Variants in GABRA2 observed in about 807,000 individuals in gnomAD.
GABRA2 encodes gamma-aminobutyric acid receptor subunit alpha-2.
Under a neutral mutation model 48.7 loss-of-function variants are expected in GABRA2, and 16 were observed. The ratio of observed to expected loss-of-function variants is 0.33; its 90% CI spans 0.22 to 0.50. GABRA2 has a LOEUF of 0.50. GABRA2 is among the 20% of genes least tolerant of loss of function. The probability of loss-of-function intolerance (pLI) is 0.98; values close to 1 mark genes in which losing one functional copy is unlikely to be tolerated. For missense variants in GABRA2, 275 were observed against 535.6 expected, an observed-to-expected ratio of 0.51 and a Z score of 4.80; for synonymous variants, 185 against 184.5, an observed-to-expected ratio of 1.00 and a Z score of -0.02.
At chr4:46,358,085 TAGTA>T (rs1191455497) in intron 3 of GABRA2, among the ~76,000 whole-genome samples, 1 of 152,142 alleles carries the variant, frequency 6.6e-6, no homozygotes, top group Admixed American at 6.5e-5. Context: ...TTCCTGGACA[TAGTA>T]AGCACTCAAC....
At chr4:46,295,514 ACAC>A (rs1724467904) in intron 8 of GABRA2, among the ~76,000 whole-genome samples, 1 of 152,176 alleles carries the variant, frequency 6.6e-6, no homozygotes, top group Non-Finnish European at 1.5e-5. Context: ...TTGTCTATGG[ACAC>A]CACCCAGCCT....
At chr4:46,349,792 T>C (rs572092903) in intron 3 of GABRA2, among the ~76,000 whole-genome samples, 12 of 151,990 alleles carry the variant, frequency 7.9e-5, no homozygotes, top group Non-Finnish European at 1.3e-4. Context: ...CTTAAAGTAG[T>C]ATAAAAGCAA....
At chr4:46,335,518 G>A (rs1732074586) in intron 3 of GABRA2, among the ~76,000 whole-genome samples, 1 of 152,104 alleles carries the variant, frequency 6.6e-6, no homozygotes, top group South Asian at 2.1e-4. Context: ...TTATTGCCCA[G>A]GCTGGAGTGC....
intron 3 of GABRA2, among the ~76,000 whole-genome samples, chr4:46,377,688 G>A (rs1298563585): frequency 6.8e-6 from 1 of 146,372 alleles, no homozygotes; most frequent in African/African-American, 2.5e-5. Context: ...GGGAAGTGAG[G>A]AGCCCCTCTG....
intron 7 of GABRA2, among the ~76,000 whole-genome samples, chr4:46,305,359 C>T (rs1366037769): frequency 6.7e-6 from 1 of 150,312 alleles, no homozygotes. Flanking sequence ...CACATGTATA[C>T]ATATGTAACT....
chr4:46,345,979 C>A (rs1229101562), intron 3 of GABRA2, among the ~76,000 whole-genome samples: 1 of 151,900 alleles, frequency 6.6e-6, no homozygotes, highest in Non-Finnish European at 1.5e-5. Context: ...TTGAAGATCA[C>A]GATGCTAATA....
At chr4:46,299,607 G>C (rs1283321867) in intron 8 of GABRA2, among the ~76,000 whole-genome samples, 2 of 150,800 alleles carry the variant, frequency 1.3e-5, no homozygotes, top group Non-Finnish European at 3.0e-5. Context: ...CAAAAATTTG[G>C]AAAGAGGAAA....
Position 46,250,434 on chromosome 4 carries a change from A to T in GABRA2, c.1230T>A (p.Thr410=). The change falls in exon 10 of 10, where the codon ACT becomes ACA. Residue 410 remains threonine, a synonymous_variant. Coordinates refer to ENST00000381620, the MANE Select transcript of GABRA2 (RefSeq NM_000807.4). Reference sequence around the variant, plus strand: ...TGTCAATTTTGCTAACACTGTTGAAAGTTTTCTTTGCTTCAGCTGGCTTGT... The same window carrying T: ...TGTCAATTTTGCTAACACTGTTGAATGTTTTCTTTGCTTCAGCTGGCTTGT... ...PENKPAEAKK[T]FNSVSKIDRM... 1 of 1,611,948 alleles carries T rather than the reference A, an allele frequency of 6.2e-7. No homozygotes were observed. Among genetic ancestry groups the T allele is most frequent in the Non-Finnish European group, 8.5e-7 (1 of 1,178,618 alleles).
At chr4:46,292,961 T>A (rs929858358) in intron 8 of GABRA2, among the ~76,000 whole-genome samples, 2 of 152,104 alleles carry the variant, frequency 1.3e-5, no homozygotes, top group Admixed American at 6.5e-5. Flanking sequence ...TGGGAATAAT[T>A]GGATCCCAAG....
At chr4:46,284,467 G>C (rs1157882656) in intron 8 of GABRA2, among the ~76,000 whole-genome samples, 1 of 152,202 alleles carries the variant, frequency 6.6e-6, no homozygotes, top group Non-Finnish European at 1.5e-5. Flanking sequence ...CACTTAGTAA[G>C]TATCTGTTGC....
chr4:46,339,439 A>C (rs1454423797), intron 3 of GABRA2, among the ~76,000 whole-genome samples: 1 of 151,826 alleles, frequency 6.6e-6, no homozygotes, highest in South Asian at 2.1e-4. Flanking sequence ...ATAGCACAGA[A>C]TAGCCCTTGA....
At chr4:46,377,466 C>A (rs1715956600) in intron 3 of GABRA2, among the ~76,000 whole-genome samples, 1 of 133,758 alleles carries the variant, frequency 7.5e-6, no homozygotes, top group Non-Finnish European at 1.7e-5. Context: ...TGGCAACCGC[C>A]CCGTCTGAGA....
intron 8 of GABRA2, among the ~76,000 whole-genome samples, chr4:46,269,580 A>G (rs1050223770): frequency 2.0e-5 from 3 of 151,916 alleles, no homozygotes; most frequent in African/African-American, 7.2e-5. Flanking sequence ...CTGGATTTAT[A>G]TATCAATATA....
At chr4:46,378,048 C>T (rs1716175995) in intron 3 of GABRA2, among the ~76,000 whole-genome samples, 1 of 151,880 alleles carries the variant, frequency 6.6e-6, no homozygotes, top group South Asian at 2.1e-4. Context: ...GGTTCAGCCC[C>T]CCCACCCGGC....
At chr4:46,318,819 T>C (rs1033189531) in intron 4 of GABRA2, among the ~76,000 whole-genome samples, 1 of 151,710 alleles carries the variant, frequency 6.6e-6, no homozygotes, top group Non-Finnish European at 1.5e-5. Flanking sequence ...AGCTTGCATG[T>C]ATCCTATGGC....
intron 8 of GABRA2, among the ~76,000 whole-genome samples, chr4:46,282,794 C>T (rs1390576893): frequency 1.3e-5 from 2 of 152,142 alleles, no homozygotes; most frequent in Non-Finnish European, 2.9e-5. Flanking sequence ...CAAATACTTG[C>T]ATAGCGTTTA....
chr4:46,384,801 G>T (rs1434259783), intron 3 of GABRA2, among the ~76,000 whole-genome samples: 1 of 152,032 alleles, frequency 6.6e-6, no homozygotes, highest in African/African-American at 2.4e-5. Flanking sequence ...GTTCGTGCTT[G>T]TTAGGCATAT....
chr4:46,287,144 G>A (rs1440403666), intron 8 of GABRA2, among the ~76,000 whole-genome samples: 1 of 152,092 alleles, frequency 6.6e-6, no homozygotes, highest in Non-Finnish European at 1.5e-5. Flanking sequence ...AAGTGAGGTA[G>A]GGGGTCCAAC....
intron 8 of GABRA2, among the ~76,000 whole-genome samples, chr4:46,285,168 T>C (rs1027468253): frequency 6.6e-6 from 1 of 150,638 alleles, no homozygotes; most frequent in Non-Finnish European, 1.5e-5. Context: ...CATACGCTCA[T>C]ACAGAATATT....
Sources: allele counts gnomAD v4.1 joint callset (sites outside exome capture counted in the v4.1 genomes callset), GRCh38; gene constraint gnomAD v4.1.1; transcripts MANE v1.5; gene names NCBI Gene and HGNC (gene_info 2026-07-23, HGNC 2026-07-21).